The following RNF157 variants were observed in gnomAD, a reference collection of about 807,000 sequenced individuals.
The protein encoded by RNF157 is ring finger protein 157, also known as E3 ubiquitin ligase RNF157.
A neutral mutation model predicts 88.3 loss-of-function variants in RNF157; 55 were observed. That is an observed-to-expected ratio of 0.62 (90% CI 0.50 to 0.78). The LOEUF is 0.78. Ranked by LOEUF, RNF157 falls within the 30% of genes least tolerant of loss-of-function variation. The probability of loss-of-function intolerance (pLI) is 0.00; values close to 1 mark genes in which losing one functional copy is unlikely to be tolerated. For synonymous variants in RNF157, 334 were observed against 341.2 expected, an observed-to-expected ratio of 0.98 and a Z score of 0.23; for missense variants, 788 against 860.8, an observed-to-expected ratio of 0.92 and a Z score of 1.06.
chr17:76,153,793 G>A (rs913615828), intron 17 of RNF157: 1 of 154,196 alleles, frequency 6.5e-6, no homozygotes, highest in Non-Finnish European at 1.4e-5. Context: ...CCTTTAGTAC[G>A]TCTGCCGGCC....
intron 14 of RNF157, 113 bp downstream of exon 14, chr17:76,156,097 T>C: frequency 1.3e-6 from 1 of 785,028 alleles, no homozygotes. Context: ...CTACTTGTCA[T>C]GCAGTACAGG....
intron 2 of RNF157, among the ~76,000 whole-genome samples, chr17:76,194,833 G>C (rs901915282): frequency 6.6e-6 from 1 of 152,076 alleles, no homozygotes; most frequent in Non-Finnish European, 1.5e-5. Context: ...GGCTAACATG[G>C]TGAAACCCCG....
rs909271590 is a variant in RNF157 at position 76,157,070 on chromosome 17, G to C, written c.1414-749C>G. Among the ~76,000 whole-genome samples the C allele has an allele frequency of 6.6e-6, 1 of 151,842 alleles. No individual in the cohort carries two copies. The highest frequency in any genetic ancestry group is 2.4e-5 in the African/African-American group (1 of 41,324). On this transcript the variant is annotated intron_variant, in intron 13 of 18. Coordinates refer to ENST00000269391, the MANE Select transcript of RNF157 (RefSeq NM_052916.3). This position sits in a 1 kb window ranked among gnomAD's most constrained non-coding sequence, Gnocchi z 5.6. ...CAACCCCTGCCTCCTGGGTTCAAGC[G>C]ATTCTCCTGCCTCAGCCTCCCGAGT...
intron 1 of RNF157, chr17:76,226,130 T>G: frequency 6.2e-7 from 1 of 1,602,180 alleles, no homozygotes. Flanking sequence ...CAGATAGGAC[T>G]CTGGGCTCAT....
chr17:76,198,055 C>T (rs1011345176), intron 2 of RNF157, among the ~76,000 whole-genome samples: 1 of 152,186 alleles, frequency 6.6e-6, no homozygotes, highest in African/African-American at 2.4e-5. Context: ...CTACAGAGGA[C>T]CTGCCCCCAC....
intron 1 of RNF157, among the ~76,000 whole-genome samples, chr17:76,223,789 A>G (rs2070030313): frequency 6.6e-6 from 1 of 152,162 alleles, no homozygotes; most frequent in Non-Finnish European, 1.5e-5. Context: ...AACAGACTGC[A>G]CTGCCCAACT....
intron 18 of RNF157, chr17:76,147,483 A>C (rs1363111129): frequency 4.4e-6 from 1 of 226,222 alleles, no homozygotes; most frequent in Non-Finnish European, 7.4e-6. Context: ...GAATTCACAG[A>C]AGTCCTTGCT....
At chr17:76,178,028 T>G (rs1350052140) in intron 2 of RNF157, among the ~76,000 whole-genome samples, 1 of 152,222 alleles carries the variant, frequency 6.6e-6, no homozygotes, top group African/African-American at 2.4e-5. Flanking sequence ...CCTCTTCGTC[T>G]TGCTCACCCT....
intron 2 of RNF157, among the ~76,000 whole-genome samples, chr17:76,210,042 G>A (rs1466308228): frequency 6.6e-6 from 1 of 152,088 alleles, no homozygotes; most frequent in Non-Finnish European, 1.5e-5. Flanking sequence ...ACAGACATGA[G>A]TCACCGTGCC....
At chr17:76,184,433 C>T (rs1032493912) in intron 2 of RNF157, among the ~76,000 whole-genome samples, 10 of 152,092 alleles carry the variant, frequency 6.6e-5, no homozygotes, top group Non-Finnish European at 1.2e-4. Flanking sequence ...AGATACATAA[C>T]GTGTCCAAGG....
chr17:76,219,908 C>T (rs2069951840), intron 1 of RNF157, among the ~76,000 whole-genome samples: 1 of 151,852 alleles, frequency 6.6e-6, no homozygotes, highest in East Asian at 1.9e-4. Context: ...TTTTATCATA[C>T]CTAGCGTATT....
chr17:76,149,482 G>T (rs2068640176), intron 18 of RNF157, among the ~76,000 whole-genome samples: 1 of 152,084 alleles, frequency 6.6e-6, no homozygotes, highest in Non-Finnish European at 1.5e-5. Flanking sequence ...CTCAGCCCCA[G>T]GATAGAAAGC....
chr17:76,171,390 T>C (rs565667863), intron 3 of RNF157, among the ~76,000 whole-genome samples: 1 of 151,238 alleles, frequency 6.6e-6, no homozygotes, highest in East Asian at 1.9e-4. Context: ...GTTTTTACCA[T>C]GTTGGCCAGG....
At chr17:76,204,547 C>T (rs2069644674) in intron 2 of RNF157, among the ~76,000 whole-genome samples, 1 of 152,194 alleles carries the variant, frequency 6.6e-6, no homozygotes, top group Non-Finnish European at 1.5e-5. Context: ...ATGAATAGCA[C>T]CGGGACTAAC....
At chr17:76,180,801 G>A (rs781613149) in intron 2 of RNF157, among the ~76,000 whole-genome samples, 25 of 151,998 alleles carry the variant, frequency 1.6e-4, no homozygotes, top group African/African-American at 4.6e-4. Context: ...ACAGTTCAGC[G>A]GCATTAAGTA....
Position 76,146,442 on chromosome 17 carries a change from C to G in RNF157, c.1922-1089G>C. 1.0e-6 allele frequency: 1 copy of G among 985,502 alleles called. No homozygotes were observed. The highest frequency in any genetic ancestry group is 1.2e-6 in the Non-Finnish European group (1 of 829,950). The allele number at this position is 985,502 out of a possible 1,614,324, so 61.0% of individuals were successfully genotyped here. On this transcript the variant is annotated intron_variant, in intron 18 of 18. Coordinates refer to ENST00000269391, the MANE Select transcript of RNF157 (RefSeq NM_052916.3). This position sits in a 1 kb window ranked among gnomAD's most constrained non-coding sequence, Gnocchi z 4.2. ...CTCCTGCCCACAGATGAGCTCCTCC[C>G]TCCAGTGCCCTCCCTCCAGTGAGGC...
chr17:76,226,110 G>A, intron 1 of RNF157: 1 of 1,601,294 alleles, frequency 6.2e-7, no homozygotes, highest in Non-Finnish European at 8.5e-7. Flanking sequence ...GGGCTATGCT[G>A]AGGAGACCCC....
At chr17:76,237,151 CA>C (rs2070296869) in intron 1 of RNF157, among the ~76,000 whole-genome samples, 1 of 152,200 alleles carries the variant, frequency 6.6e-6, no homozygotes, top group Admixed American at 6.5e-5. Flanking sequence ...AAAAAAGCTA[CA>C]AACCCAAGTC....
intron 2 of RNF157, among the ~76,000 whole-genome samples, chr17:76,202,126 T>TCC (rs1174829610): frequency 1.5e-5 from 2 of 137,716 alleles, no homozygotes; most frequent in African/African-American, 6.0e-5. Context: ...TCTCTCTCTC[T>TCC]CTCACACACA....
Sources: allele counts gnomAD v4.1 joint callset (sites outside exome capture counted in the v4.1 genomes callset), GRCh38; gene constraint gnomAD v4.1.1; non-coding constraint Gnocchi (gnomAD v3.1); transcripts MANE v1.5; gene names NCBI Gene and HGNC (gene_info 2026-07-23, HGNC 2026-07-21).